The following NEBL variants were observed in gnomAD, a reference collection of about 807,000 sequenced individuals.
NEBL encodes LIM and SH3 protein 2.
NEBL carries 122 observed loss-of-function variants against 140.2 expected under a neutral mutation model. The observed-to-expected ratio is 0.87, with a 90% confidence interval of 0.75 to 1.01. The LOEUF (loss-of-function observed/expected upper bound fraction) is 1.01, where lower values mean the gene tolerates loss of function less well. Among genes scored for constraint, NEBL ranks in the 50% least tolerant of loss-of-function variants. NEBL has a pLI of 0.00. For missense variants in NEBL, 1,365 were observed against 1,231.3 expected (o/e 1.11, Z -1.62); for synonymous variants, 436 against 398.9 (o/e 1.09, Z -1.11).
intron 2 of NEBL, among the ~76,000 whole-genome samples, chr10:21,070,820 G>A (rs563666115): frequency 6.6e-6 from 1 of 152,196 alleles, no homozygotes; most frequent in Admixed American, 6.5e-5. Context: ...ATTTTAAACT[G>A]GCATACATGT....
At position 20,952,564 on chromosome 10, in the gene NEBL, G is replaced by A. The variant is rs200731667; in HGVS notation, c.357+9108C>T. On this transcript the variant is annotated intron_variant, in intron 4 of 6. Coordinates refer to the NEBL transcript ENST00000417816. ...TAAAACTGAATGTAGAAGTTTTCCTGGAAAGGCAACAGGTAGAGGGTAGTA... is the reference window on the plus strand; with the variant it reads ...TAAAACTGAATGTAGAAGTTTTCCTAGAAAGGCAACAGGTAGAGGGTAGTA... Among the ~76,000 whole-genome samples the A allele has an allele frequency of 6.6e-5, 10 of 151,842 alleles. No homozygotes were observed. The East Asian group carries it at 7.7e-4, about 12-fold the overall frequency.
At chr10:21,006,038 G>A (rs905318342) in intron 3 of NEBL, among the ~76,000 whole-genome samples, 6 of 152,038 alleles carry the variant, frequency 3.9e-5, no homozygotes, top group African/African-American at 1.2e-4. Flanking sequence ...TCATCTCTAC[G>A]CTTTTCTACA....
At chr10:21,146,329 A>G (rs1184295631) in intron 2 of NEBL, 1 of 1,604,348 alleles carries the variant, frequency 6.2e-7, no homozygotes, top group East Asian at 2.2e-5. Context: ...CCTGCCCCCA[A>G]CACATACTCT....
chr10:20,839,389 T>C (rs1841194143), intron 13 of NEBL, among the ~76,000 whole-genome samples: 1 of 152,112 alleles, frequency 6.6e-6, no homozygotes, highest in Non-Finnish European at 1.5e-5. Flanking sequence ...GCCACAGACC[T>C]CACCAGGGGC....
intron 2 of NEBL, chr10:21,126,198 G>A (rs1838826857): frequency 7.0e-7 from 1 of 1,424,848 alleles, no homozygotes; most frequent in African/African-American, 1.4e-5. Context: ...TACCACATTT[G>A]GAATAATAAC....
intron 3 of NEBL, among the ~76,000 whole-genome samples, chr10:21,232,193 G>A (rs1026126214): frequency 2.0e-5 from 3 of 151,960 alleles, no homozygotes; most frequent in Middle Eastern, 3.4e-3. Context: ...AAGAAGCATA[G>A]GAAACAAGGT....
At chr10:20,992,127 T>A (rs898139797) in intron 3 of NEBL, among the ~76,000 whole-genome samples, 1 of 152,240 alleles carries the variant, frequency 6.6e-6, no homozygotes, top group East Asian at 1.9e-4. Flanking sequence ...TTTTTAAAAG[T>A]AATGAAATAA....
At chr10:20,936,984 CA>C (rs1834525790) in intron 4 of NEBL, among the ~76,000 whole-genome samples, 2 of 152,124 alleles carry the variant, frequency 1.3e-5, no homozygotes, top group African/African-American at 4.8e-5. Flanking sequence ...CATTTCAAAG[CA>C]AAACATTTTG....
intron 3 of NEBL, among the ~76,000 whole-genome samples, chr10:21,205,246 T>G (rs1238909522): frequency 6.6e-6 from 1 of 152,210 alleles, no homozygotes; most frequent in Non-Finnish European, 1.5e-5. Context: ...CTGCCCCAAA[T>G]GTGTAGCAAA....
intron 2 of NEBL, chr10:21,028,950 T>C (rs930892733): frequency 3.7e-6 from 2 of 537,464 alleles, no homozygotes; most frequent in Non-Finnish European, 3.3e-6. Context: ...TATACTAATA[T>C]GAGACAAAAT....
intron 2 of NEBL, among the ~76,000 whole-genome samples, chr10:21,122,398 T>C (rs1356442390): frequency 1.3e-5 from 2 of 152,098 alleles, no homozygotes; most frequent in Non-Finnish European, 2.9e-5. Context: ...AACTCTACCA[T>C]CTGTGTCTTC....
intron 4 of NEBL, among the ~76,000 whole-genome samples, chr10:20,932,420 TG>T (rs1834237594): frequency 6.9e-6 from 1 of 143,992 alleles, no homozygotes; most frequent in Admixed American, 7.0e-5. Flanking sequence ...GGCCTGGGGC[TG>T]GGGGGTGGGG....
upstream of NEBL, among the ~76,000 whole-genome samples, chr10:20,900,990 C>A (rs184241861): frequency 4.0e-3 from 608 of 152,126 alleles, 12 homozygotes; most frequent in African/African-American, 0.014. Flanking sequence ...TGCACTCCAG[C>A]CTGGGTGACA....
intron 3 of NEBL, among the ~76,000 whole-genome samples, chr10:20,992,510 G>T (rs766644774): frequency 2.0e-5 from 3 of 152,092 alleles, no homozygotes; most frequent in Non-Finnish European, 4.4e-5. Context: ...GGCCCCAGTG[G>T]CAGAGGTTCT....
intron 4 of NEBL, among the ~76,000 whole-genome samples, chr10:20,913,925 A>T (rs928636335): frequency 6.6e-6 from 1 of 152,190 alleles, no homozygotes; most frequent in Non-Finnish European, 1.5e-5. Context: ...CTCAATACCA[A>T]TATACATATT....
intron 1 of NEBL, among the ~76,000 whole-genome samples, chr10:21,270,103 C>G (rs1269124183): frequency 6.6e-6 from 1 of 152,148 alleles, no homozygotes; most frequent in African/African-American, 2.4e-5. Context: ...ACTTGTATCC[C>G]CAAAGCAAAA....
At chr10:20,901,577 T>TG (rs1301584304), upstream of NEBL, among the ~76,000 whole-genome samples, 3 of 151,692 alleles carry the variant, frequency 2.0e-5, no homozygotes, top group African/African-American at 4.9e-5. Flanking sequence ...CAGTTCTGAG[T>TG]GGGGGGAAAA....
At chr10:20,826,757 T>A (rs1201719530) in intron 17 of NEBL, among the ~76,000 whole-genome samples, 1 of 152,208 alleles carries the variant, frequency 6.6e-6, no homozygotes, top group Admixed American at 6.6e-5. Flanking sequence ...CCTCTCCTGC[T>A]CTAGGTCTAG....
intron 4 of NEBL, among the ~76,000 whole-genome samples, chr10:20,924,243 C>A (rs1833752977): frequency 6.6e-6 from 1 of 151,744 alleles, no homozygotes; most frequent in African/African-American, 2.4e-5. Flanking sequence ...CTGTATAATA[C>A]ACAGCCCAAG....
Sources: gnomAD v4.1 joint callset for allele counts (sites outside exome capture counted in the v4.1 genomes callset) on GRCh38, gnomAD v4.1.1 for gene constraint, MANE v1.5 for transcripts, NCBI Gene and HGNC (gene_info 2026-07-23, HGNC 2026-07-21) for gene names.